Variants in KCNIP4 observed in about 807,000 individuals in gnomAD.
KCNIP4 encodes the protein Kv channel-interacting protein 4.
KCNIP4 carries 12 observed loss-of-function variants against 34.0 expected under a neutral mutation model. The ratio of observed to expected loss-of-function variants is 0.35; its 90% confidence interval spans 0.23 to 0.57. The LOEUF is 0.57. Ranked by LOEUF, KCNIP4 falls within the 20% of genes least tolerant of loss-of-function variation. KCNIP4 has a pLI of 0.83. For synonymous variants in KCNIP4, 124 were observed against 102.2 expected, an observed-to-expected ratio of 1.21 and a Z score of -1.29; for missense variants, 238 against 311.7, an observed-to-expected ratio of 0.76 and a Z score of 1.78.
intron 1 of KCNIP4, among the ~76,000 whole-genome samples, chr4:21,895,320 A>T (rs1204489682): frequency 6.6e-6 from 1 of 152,186 alleles, no homozygotes; most frequent in Non-Finnish European, 1.5e-5. Context: ...AGGACAAAAG[A>T]TAAAACTCTC....
At chr4:21,922,384 C>T (rs1728984707) in intron 1 of KCNIP4, among the ~76,000 whole-genome samples, 1 of 152,144 alleles carries the variant, frequency 6.6e-6, no homozygotes, top group African/African-American at 2.4e-5. Flanking sequence ...ATACACATGC[C>T]CAGTAAGTAT....
intron 1 of KCNIP4, among the ~76,000 whole-genome samples, chr4:21,170,359 G>A (rs932624754): frequency 7.2e-5 from 11 of 152,154 alleles, no homozygotes; most frequent in African/African-American, 2.7e-4. Context: ...AGTCTTTGAA[G>A]AAATGTTGTT....
chr4:20,740,553 T>A (rs934178729), intron 5 of KCNIP4, among the ~76,000 whole-genome samples: 1 of 152,138 alleles, frequency 6.6e-6, no homozygotes, highest in East Asian at 1.9e-4. Context: ...CAGGCCTGCC[T>A]TACAAGAGCT....
At chr4:21,200,139 A>G (rs1271156960) in intron 1 of KCNIP4, among the ~76,000 whole-genome samples, 1 of 152,022 alleles carries the variant, frequency 6.6e-6, no homozygotes, top group Non-Finnish European at 1.5e-5. Context: ...ATGTATACAT[A>G]TGTAACAAAC....
chr4:21,477,609 C>T (rs1455888541), intron 1 of KCNIP4, among the ~76,000 whole-genome samples: 1 of 152,180 alleles, frequency 6.6e-6, no homozygotes, highest in Non-Finnish European at 1.5e-5. Flanking sequence ...CTTTCCTTGA[C>T]TCTCCAAACT....
intron 1 of KCNIP4, among the ~76,000 whole-genome samples, chr4:21,586,206 C>A (rs1741593501): frequency 6.6e-6 from 1 of 151,990 alleles, no homozygotes; most frequent in Admixed American, 6.6e-5. Context: ...TAGCACATTT[C>A]CAATTGTTAA....
intron 1 of KCNIP4, among the ~76,000 whole-genome samples, chr4:21,720,023 AG>A: frequency 7.9e-6 from 1 of 126,484 alleles, no homozygotes; most frequent in Admixed American, 7.3e-5. Flanking sequence ...AAGAAGGAGA[AG>A]GAGAAGGAGA....
Position 21,740,856 on chromosome 4 carries a change from A to G in KCNIP4, c.61+207715T>C, listed in dbSNP as rs181932543. ...GCAGTTAAATCTTAGTTTCAATGTC[A>G]CAGGTTCACAGATGGTCAAGAAAAG... On this transcript the variant is annotated intron_variant, in intron 1 of 8. Coordinates refer to ENST00000382152, the MANE Select transcript of KCNIP4 (RefSeq NM_025221.6). 8.7e-3 allele frequency among the ~76,000 whole-genome samples: 1,330 copies of G among 152,324 alleles called. 19 individuals carry two copies. The highest frequency in any genetic ancestry group is 0.039 in the South Asian group (188 of 4,828).
intron 1 of KCNIP4, among the ~76,000 whole-genome samples, chr4:21,326,566 T>G (rs1267513050): frequency 6.6e-6 from 1 of 151,614 alleles, no homozygotes; most frequent in Non-Finnish European, 1.5e-5. Context: ...CTTGTTTTTT[T>G]GTTTATTTTA....
chr4:20,843,016 T>G (rs2149473998), intron 3 of KCNIP4, among the ~76,000 whole-genome samples: 1 of 152,170 alleles, frequency 6.6e-6, no homozygotes, highest in East Asian at 1.9e-4. Context: ...CAAGGGATTC[T>G]TGTGCCTCAG....
At chr4:20,839,914 G>A (rs1367375674) in intron 3 of KCNIP4, among the ~76,000 whole-genome samples, 1 of 152,144 alleles carries the variant, frequency 6.6e-6, no homozygotes, top group Non-Finnish European at 1.5e-5. Context: ...AGCATAACAG[G>A]TGTGAGATCA....
rs112528526 is a variant in KCNIP4, at chr4:20,876,554, C to T, written c.163+6054G>A. Among the ~76,000 whole-genome samples the T allele has an allele frequency of 4.0e-3, 615 of 151,960 alleles. 6 individuals are homozygous for T. Among genetic ancestry groups the T allele is most frequent in the African/African-American group, 0.012 (493 of 41,420 alleles). ...CCAGCTGTCAGCCTCCAAGATGCCACGGAATTGGGAAGAAATCTTTTTTTT... is the reference window on the plus strand; with the variant it reads ...CCAGCTGTCAGCCTCCAAGATGCCATGGAATTGGGAAGAAATCTTTTTTTT... On this transcript the variant is annotated intron_variant, in intron 2 of 8. Transcript: ENST00000382152.
chr4:21,052,049 T>C, intron 1 of KCNIP4, among the ~76,000 whole-genome samples: 1 of 152,316 alleles, frequency 6.6e-6, no homozygotes, highest in Non-Finnish European at 1.5e-5. Flanking sequence ...AAAGAGACCA[T>C]TAGTGAGATT....
chr4:21,101,391 G>A (rs1747928133), intron 1 of KCNIP4, among the ~76,000 whole-genome samples: 1 of 151,940 alleles, frequency 6.6e-6, no homozygotes, highest in Admixed American at 6.6e-5. Flanking sequence ...GCATAAATAT[G>A]TTTGTGTGGG....
intron 1 of KCNIP4, among the ~76,000 whole-genome samples, chr4:21,794,901 C>A (rs1183902982): frequency 6.6e-6 from 1 of 151,942 alleles, no homozygotes; most frequent in Non-Finnish European, 1.5e-5. Flanking sequence ...AAAAAACGAA[C>A]AAACAAACAA....
intron 1 of KCNIP4, among the ~76,000 whole-genome samples, chr4:21,793,962 G>C (rs1253315126): frequency 2.6e-5 from 4 of 152,124 alleles, no homozygotes; most frequent in African/African-American, 9.7e-5. Context: ...CCATAAAAAA[G>C]GATGAATTCA....
At chr4:21,074,278 TG>T in intron 1 of KCNIP4, among the ~76,000 whole-genome samples, 1 of 152,304 alleles carries the variant, frequency 6.6e-6, no homozygotes, top group South Asian at 2.1e-4. Flanking sequence ...GGACTTTTTT[TG>T]GTTGGTAAGC....
intron 1 of KCNIP4, among the ~76,000 whole-genome samples, chr4:21,744,014 T>C (rs1716602932): frequency 6.6e-6 from 1 of 152,034 alleles, no homozygotes; most frequent in Admixed American, 6.6e-5. Flanking sequence ...ATTATAACCT[T>C]CCTGACAATC....
intron 1 of KCNIP4, among the ~76,000 whole-genome samples, chr4:21,207,109 C>G (rs1017776888): frequency 6.6e-6 from 1 of 152,018 alleles, no homozygotes; most frequent in Non-Finnish European, 1.5e-5. Context: ...TTATTGGCAG[C>G]ATATATAAAA....
Sources: gnomAD v4.1 joint callset for allele counts (sites outside exome capture counted in the v4.1 genomes callset) on GRCh38, gnomAD v4.1.1 for gene constraint, MANE v1.5 for transcripts, NCBI Gene and HGNC (gene_info 2026-07-23, HGNC 2026-07-21) for gene names.